Variants in CPQ observed in about 807,000 individuals in gnomAD.
The protein encoded by CPQ is carboxypeptidase Q.
CPQ carries 37 observed loss-of-function variants against 45.7 expected under a neutral mutation model. The ratio of observed to expected loss-of-function variants is 0.81; its 90% confidence interval spans 0.62 to 1.07. CPQ has a LOEUF of 1.07. CPQ is among the 50% of genes least tolerant of loss of function. CPQ has a pLI of 0.00. For missense variants in CPQ, 537 were observed against 572.9 expected (o/e 0.94, Z 0.64); for synonymous variants, 186 against 205.8 (o/e 0.90, Z 0.82).
In CPQ at chr8:96,740,203, T is replaced by C. The variant is rs372543107; in HGVS notation, c.-34-44661T>C. Among the ~76,000 whole-genome samples, 12 of 152,264 alleles carry C rather than the reference T, an allele frequency of 7.9e-5. No homozygotes were observed. In the East Asian group the frequency reaches 1.7e-3, roughly 22 times the overall value. On this transcript the variant is annotated intron_variant, in intron 1 of 7. Transcript: ENST00000220763. Reference sequence around the variant, plus strand: ...ATCCCTTGTAAGTTGGATTCCTAGGTATTTTATTCTTTTTAAAGCAATTGT... The same window carrying C: ...ATCCCTTGTAAGTTGGATTCCTAGGCATTTTATTCTTTTTAAAGCAATTGT...
chr8:97,007,047 A>G (rs1349353897), intron 5 of CPQ, among the ~76,000 whole-genome samples: 3 of 152,248 alleles, frequency 2.0e-5, no homozygotes, highest in Non-Finnish European at 1.5e-5. Flanking sequence ...AAGCATATTC[A>G]GCCTCAGTCA....
chr8:96,971,912 G>T (rs111341268), intron 5 of CPQ, among the ~76,000 whole-genome samples: 3,674 of 152,242 alleles, frequency 0.024, 98 homozygotes, highest in African/African-American at 0.067. Flanking sequence ...GCTCCCATTC[G>T]AACAGACAGA....
intron 7 of CPQ, among the ~76,000 whole-genome samples, chr8:97,084,667 A>G (rs1270702334): frequency 1.3e-5 from 2 of 152,202 alleles, no homozygotes; most frequent in African/African-American, 2.4e-5. Flanking sequence ...CTTGGTTCAC[A>G]GGCCCTCGGG....
At chr8:97,140,192 T>C (rs531326132) in intron 7 of CPQ, among the ~76,000 whole-genome samples, 2 of 151,990 alleles carry the variant, frequency 1.3e-5, no homozygotes, top group East Asian at 3.9e-4. Context: ...TTTCCATAGT[T>C]AATTCAAGAA....
intron 2 of CPQ, among the ~76,000 whole-genome samples, chr8:96,797,480 C>T (rs186500661): frequency 1.3e-5 from 2 of 152,160 alleles, no homozygotes; most frequent in East Asian, 3.9e-4. Context: ...GCATTGTGGT[C>T]CTCTGTGGTT....
At position 97,075,071 on chromosome 8, in the gene CPQ, C is replaced by A. The variant is rs190515073; in HGVS notation, c.1255+8861C>A. ...CCCTAAAGCTTGTGCATGCCTAGAGCATCCAGGTCACACTCAAGTAGAAGG... is the reference window on the plus strand; with the variant it reads ...CCCTAAAGCTTGTGCATGCCTAGAGAATCCAGGTCACACTCAAGTAGAAGG... On this transcript the variant is annotated intron_variant, in intron 7 of 7. Coordinates refer to ENST00000220763, the MANE Select transcript of CPQ (RefSeq NM_016134.4). Among the ~76,000 whole-genome samples the A allele has an allele frequency of 1.6e-3, 251 of 152,176 alleles. 3 individuals are homozygous for A. Among genetic ancestry groups the A allele is most frequent in the Admixed American group, 0.013 (194 of 15,266 alleles).
intron 4 of CPQ, among the ~76,000 whole-genome samples, chr8:96,921,034 C>T (rs1204759757): frequency 1.3e-5 from 2 of 152,162 alleles, no homozygotes; most frequent in African/African-American, 2.4e-5. Flanking sequence ...TTATCACACA[C>T]GCCATTTGAA....
intron 1 of CPQ, among the ~76,000 whole-genome samples, chr8:96,660,221 C>A (rs1659714602): frequency 6.6e-6 from 1 of 152,096 alleles, no homozygotes; most frequent in South Asian, 2.1e-4. Context: ...TCTTCTGAGG[C>A]CTCTCTTTTT....
chr8:96,715,434 C>T (rs1438538710), intron 1 of CPQ, among the ~76,000 whole-genome samples: 1 of 152,162 alleles, frequency 6.6e-6, no homozygotes, highest in Non-Finnish European at 1.5e-5. Flanking sequence ...GACTCTACTC[C>T]TTGTGCAAGC....
intron 6 of CPQ, among the ~76,000 whole-genome samples, chr8:97,043,055 C>G (rs1448577039): frequency 1.3e-5 from 2 of 151,434 alleles, no homozygotes; most frequent in African/African-American, 2.4e-5. Flanking sequence ...AACTTTCTGT[C>G]TCGTTGATCT....
chr8:96,767,884 T>C (rs940267862), intron 1 of CPQ, among the ~76,000 whole-genome samples: 3 of 151,998 alleles, frequency 2.0e-5, no homozygotes, highest in Admixed American at 1.3e-4. Context: ...CCTCAGATGA[T>C]CCACCCACCT....
At chr8:96,879,736 T>G in intron 3 of CPQ, 62 bp from the exon 4 acceptor site, 1 of 1,282,546 alleles carries the variant, frequency 7.8e-7, no homozygotes, top group Non-Finnish European at 1.1e-6. Flanking sequence ...TACAGGTGCT[T>G]TCAAAAAAGT....
At chr8:96,645,784 C>A (rs896243564) in intron 1 of CPQ, among the ~76,000 whole-genome samples, 1 of 151,584 alleles carries the variant, frequency 6.6e-6, no homozygotes, top group African/African-American at 2.4e-5. Flanking sequence ...TGCAAACAAT[C>A]CTGGTCCCCC....
chr8:96,908,675 G>A (rs1386385033), intron 4 of CPQ, among the ~76,000 whole-genome samples: 1 of 151,490 alleles, frequency 6.6e-6, no homozygotes. Context: ...ATAGCTAGTT[G>A]GCATTGTCAT....
intron 5 of CPQ, among the ~76,000 whole-genome samples, chr8:97,004,884 A>T (rs1809352400): frequency 6.6e-6 from 1 of 152,136 alleles, no homozygotes; most frequent in Non-Finnish European, 1.5e-5. Flanking sequence ...TCTCTTGTTA[A>T]TGGGGTTTGA....
intron 1 of CPQ, among the ~76,000 whole-genome samples, chr8:96,688,900 A>G (rs567750217): frequency 2.5e-4 from 38 of 152,278 alleles, no homozygotes; most frequent in African/African-American, 8.7e-4. Context: ...TATCTCAACA[A>G]TGTTTTTAGA....
intron 4 of CPQ, among the ~76,000 whole-genome samples, chr8:96,911,637 C>G (rs528264773): frequency 1.3e-5 from 2 of 152,278 alleles, no homozygotes; most frequent in East Asian, 3.9e-4. Flanking sequence ...GCCATCAGGG[C>G]CCACTCTATA....
At chr8:96,671,321 T>C (rs960118333) in intron 1 of CPQ, among the ~76,000 whole-genome samples, 3 of 152,114 alleles carry the variant, frequency 2.0e-5, no homozygotes, top group African/African-American at 7.2e-5. Context: ...TAAAAAAGCG[T>C]GTGTGTGTGT....
Position 97,066,105 on chromosome 8 carries a change from A to C in CPQ, c.1150A>C (p.Ile384Leu). ...QFTGSEKARA[I>L]MEEVMSLLQP... is the part of the protein sequence containing the mutation. ...CACTGGCAGTGAAAAGGCCAGGGCCATCATGGAGGAGGTTATGAGCCTGCT... is the reference window on the plus strand; with the variant it reads ...CACTGGCAGTGAAAAGGCCAGGGCCCTCATGGAGGAGGTTATGAGCCTGCT... The change falls in exon 7 of 8, where the codon ATC becomes CTC. Residue 384 changes from isoleucine to leucine, a missense_variant. Coordinates refer to ENST00000220763, the MANE Select transcript of CPQ (RefSeq NM_016134.4). 6 of 1,612,460 alleles carry C rather than the reference A, an allele frequency of 3.7e-6. No homozygotes were observed. The highest frequency in any genetic ancestry group is 5.1e-6 in the Non-Finnish European group (6 of 1,179,540).
Sources: gnomAD v4.1 joint callset for allele counts (sites outside exome capture counted in the v4.1 genomes callset) on GRCh38, gnomAD v4.1.1 for gene constraint, MANE v1.5 for transcripts, NCBI Gene and HGNC (gene_info 2026-07-23, HGNC 2026-07-21) for gene names.